PHACTR4: variants seen among roughly 807,000 people sequenced by gnomAD.
The protein encoded by PHACTR4 is phosphatase and actin regulator 4, also known as protein phosphatase 1, regulatory subunit 124.
A neutral mutation model predicts 72.7 loss-of-function variants in PHACTR4; 51 were observed. That is an observed-to-expected ratio of 0.70 (90% CI 0.56 to 0.89). The LOEUF is 0.89. Ranked by LOEUF, PHACTR4 falls within the 40% of genes least tolerant of loss-of-function variation. PHACTR4 has a pLI of 0.00. For synonymous variants in PHACTR4, 255 were observed against 302.5 expected (o/e 0.84, Z 1.63); for missense variants, 731 against 861.8 (o/e 0.85, Z 1.90).
At chr1:28,490,489 G>A (rs1178391427) in intron 10 of PHACTR4, among the ~76,000 whole-genome samples, 3 of 147,852 alleles carry the variant, frequency 2.0e-5, no homozygotes, top group African/African-American at 7.5e-5. Flanking sequence ...CCGAGATTGC[G>A]CCACTGCACT....
At chr1:28,440,833 CTTAAT>C (rs1656974534) in intron 2 of PHACTR4, among the ~76,000 whole-genome samples, 1 of 152,146 alleles carries the variant, frequency 6.6e-6, no homozygotes, top group Non-Finnish European at 1.5e-5. Flanking sequence ...ACAACAGTTT[CTTAAT>C]TTAATTTTCA....
rs1312278225 is a variant in PHACTR4, at chr1:28,466,472, C to T, written c.527C>T (p.Ser176Phe). ...TTACTTCCTCCCAAAAGACCCTTGT[C>T]CTCTTCTCATGAAGCAAGTGAAGGG... is the stretch of plus-strand genomic sequence containing the variant. ...PPLLPPKRPL[S>F]SSHEASEGQA... Residue 176 changes from serine (S) to phenylalanine (F), a missense_variant, in exon 6 of 14, where the codon TCC becomes TTC. Around this residue, in one of 2 missense-constraint regions of PHACTR4, gnomAD observed 621 missense variants for 676.6 expected, o/e 0.92. Transcript: ENST00000373839. The T allele has an allele frequency of 6.2e-7, 1 of 1,614,152 alleles. No homozygotes were observed. Among genetic ancestry groups the T allele is most frequent in the Non-Finnish European group, 8.5e-7 (1 of 1,180,036 alleles).
intron 2 of PHACTR4, among the ~76,000 whole-genome samples, chr1:28,416,593 C>T (rs1569880369): frequency 6.6e-6 from 1 of 152,206 alleles, no homozygotes. Flanking sequence ...CCTGTGTCCT[C>T]TCACCACTTT....
intron 1 of PHACTR4, among the ~76,000 whole-genome samples, chr1:28,376,934 G>T (rs1030585741): frequency 6.6e-6 from 1 of 151,828 alleles, no homozygotes; most frequent in African/African-American, 2.4e-5. Flanking sequence ...AGCGCGCCCG[G>T]CCTTAATTTT....
intron 2 of PHACTR4, among the ~76,000 whole-genome samples, chr1:28,422,874 C>G (rs1457026903): frequency 6.6e-6 from 1 of 152,176 alleles, no homozygotes; most frequent in Non-Finnish European, 1.5e-5. Context: ...GCAACCTTCA[C>G]CTCCCGGGTT....
intron 1 of PHACTR4, among the ~76,000 whole-genome samples, chr1:28,377,237 CTT>C (rs1304157166): frequency 2.0e-4 from 28 of 136,678 alleles, no homozygotes; most frequent in Admixed American, 3.0e-4. Context: ...CGCACCCAGC[CTT>C]TTTTTTTTTT....
chr1:28,484,684 T>C (rs1660518271), intron 9 of PHACTR4, among the ~76,000 whole-genome samples: 1 of 151,164 alleles, frequency 6.6e-6, no homozygotes, highest in South Asian at 2.1e-4. Flanking sequence ...TATAAAAACA[T>C]GGGTCGGGCG....
chr1:28,383,133 T>C (rs536136787), intron 1 of PHACTR4, among the ~76,000 whole-genome samples: 10 of 152,318 alleles, frequency 6.6e-5, no homozygotes, highest in African/African-American at 2.4e-4. Context: ...TCATTGCCTA[T>C]TTTTGTCTGG....
intron 1 of PHACTR4, among the ~76,000 whole-genome samples, chr1:28,399,958 TA>T (rs1557788190): frequency 6.6e-6 from 1 of 152,172 alleles, no homozygotes; most frequent in Admixed American, 6.5e-5. Flanking sequence ...ATGTGCTTGT[TA>T]TGTTACAGAA....
At chr1:28,409,692 T>A (rs909766391) in intron 2 of PHACTR4, among the ~76,000 whole-genome samples, 2 of 152,084 alleles carry the variant, frequency 1.3e-5, no homozygotes, top group Non-Finnish European at 2.9e-5. Context: ...AGGTTAGGCT[T>A]TTTGGGCTAC....
At chr1:28,397,593 C>T (rs1653608095) in intron 1 of PHACTR4, among the ~76,000 whole-genome samples, 1 of 151,840 alleles carries the variant, frequency 6.6e-6, no homozygotes, top group Non-Finnish European at 1.5e-5. Flanking sequence ...CGGTTTCCAT[C>T]TGAGTAGATT....
chr1:28,469,666 C>A (rs1430709118), intron 6 of PHACTR4, among the ~76,000 whole-genome samples: 1 of 151,342 alleles, frequency 6.6e-6, no homozygotes, highest in African/African-American at 2.4e-5. Flanking sequence ...AAAATCCAAT[C>A]TTTCCAAAAA....
chr1:28,415,758 G>T (rs1188329844), intron 2 of PHACTR4, among the ~76,000 whole-genome samples: 1 of 152,106 alleles, frequency 6.6e-6, no homozygotes, highest in Non-Finnish European at 1.5e-5. Flanking sequence ...AGTTGCAAAG[G>T]CTTTATTCAT....
At chr1:28,393,456 G>A (rs994547817) in intron 1 of PHACTR4, among the ~76,000 whole-genome samples, 3 of 152,258 alleles carry the variant, frequency 2.0e-5, no homozygotes, top group African/African-American at 7.2e-5. Context: ...GGTTAAAATG[G>A]AGCTGAAAAA....
At chr1:28,415,275 G>A (rs72661758) in intron 2 of PHACTR4, among the ~76,000 whole-genome samples, 101 of 73,566 alleles carry the variant, frequency 1.4e-3, no homozygotes, top group African/African-American at 1.5e-3. Flanking sequence ...AAAAAAAAAA[G>A]AGAGAGAAAA....
intron 1 of PHACTR4, among the ~76,000 whole-genome samples, chr1:28,382,775 T>G (rs1462485496): frequency 6.6e-6 from 1 of 152,000 alleles, no homozygotes; most frequent in Non-Finnish European, 1.5e-5. Flanking sequence ...TAGCCAGTTA[T>G]CCCAGCACTG....
chr1:28,494,040 T>C (rs1237458209), intron 13 of PHACTR4, among the ~76,000 whole-genome samples: 1 of 152,104 alleles, frequency 6.6e-6, no homozygotes, highest in Non-Finnish European at 1.5e-5. Context: ...GAAAGTATCT[T>C]TACATGATTC....
chr1:28,417,748 T>A (rs1046274528), intron 2 of PHACTR4, among the ~76,000 whole-genome samples: 1 of 152,230 alleles, frequency 6.6e-6, no homozygotes, highest in African/African-American at 2.4e-5. Flanking sequence ...AGCTCTATAA[T>A]GCTATATCAA....
chr1:28,375,026 C>T (rs962850999), intron 1 of PHACTR4, among the ~76,000 whole-genome samples: 11 of 152,186 alleles, frequency 7.2e-5, no homozygotes, highest in Admixed American at 4.6e-4. Context: ...AGGCCCAGCA[C>T]GGTGGCTCAC....
Sources: gnomAD v4.1 joint callset for allele counts (sites outside exome capture counted in the v4.1 genomes callset) on GRCh38, gnomAD v4.1.1 for gene constraint, gnomAD v4.1.1 regional missense constraint, MANE v1.5 for transcripts, NCBI Gene and HGNC (gene_info 2026-07-23, HGNC 2026-07-21) for gene names.